The following PDE1A variants were observed in gnomAD, a reference collection of about 807,000 sequenced individuals.
PDE1A encodes the protein phosphodiesterase 1A, also known as dual specificity calcium/calmodulin-dependent 3',5'-cyclic nucleotide phosphodiesterase 1A.
In PDE1A, 35 loss-of-function variants were observed where a neutral mutation model predicts 61.7. The ratio of observed to expected loss-of-function variants is 0.57; its 90% CI spans 0.43 to 0.75. The LOEUF is 0.75. Among genes scored for constraint, PDE1A ranks in the 30% least tolerant of loss-of-function variants. PDE1A has a pLI of 0.00. For missense variants in PDE1A, 597 were observed against 630.6 expected, an observed-to-expected ratio of 0.95 and a Z score of 0.57; for synonymous variants, 232 against 213.2, an observed-to-expected ratio of 1.09 and a Z score of -0.77.
intron 13 of PDE1A, among the ~76,000 whole-genome samples, chr2:182,178,869 T>A (rs946016528): frequency 6.6e-6 from 1 of 151,608 alleles, no homozygotes; most frequent in African/African-American, 2.4e-5. Context: ...GGGGTCAGAG[T>A]CAGAAGGTGA....
At chr2:182,554,666 T>C in the PDE1A span, among the ~76,000 whole-genome samples, 1 of 152,086 alleles carries the variant, frequency 6.6e-6, no homozygotes, top group South Asian at 2.1e-4. Context: ...ACTCATAGAG[T>C]TATACGAAGG....
At chr2:182,490,181 A>G (rs945249035) in intron 2 of PDE1A, among the ~76,000 whole-genome samples, 11 of 152,332 alleles carry the variant, frequency 7.2e-5, no homozygotes, top group South Asian at 4.1e-4. Flanking sequence ...GGAGGCCATC[A>G]ATGACTTTTA....
chr2:182,592,626 A>G, the PDE1A span, among the ~76,000 whole-genome samples: 1 of 152,218 alleles, frequency 6.6e-6, no homozygotes, highest in African/African-American at 2.4e-5. Flanking sequence ...TGTTTTCTGC[A>G]TACAAAATAC....
intron 2 of PDE1A, among the ~76,000 whole-genome samples, chr2:182,248,976 A>G (rs1170536310): frequency 6.6e-6 from 1 of 152,222 alleles, no homozygotes; most frequent in East Asian, 1.9e-4. Flanking sequence ...AAAGTTATAT[A>G]TCAGGTGACT....
At chr2:182,526,101 TA>T (rs1303182813), upstream of PDE1A, among the ~76,000 whole-genome samples, 2 of 152,142 alleles carry the variant, frequency 1.3e-5, no homozygotes, top group African/African-American at 2.4e-5. Context: ...CAAGAATATT[TA>T]AAAACAAAAT....
chr2:182,628,906 A>G, the PDE1A span, among the ~76,000 whole-genome samples: 1 of 152,280 alleles, frequency 6.6e-6, no homozygotes, highest in African/African-American at 2.4e-5. Context: ...GAATATGGCA[A>G]AAGTGATGGT....
the PDE1A span, among the ~76,000 whole-genome samples, chr2:182,552,439 GTTTTTTTTT>G: frequency 8.1e-6 from 1 of 122,892 alleles, no homozygotes; most frequent in Non-Finnish European, 1.7e-5. Flanking sequence ...GCTACACAAA[GTTTTTTTTT>G]TTTTTTTTTT....
the PDE1A span, among the ~76,000 whole-genome samples, chr2:182,580,337 G>C: frequency 6.6e-6 from 1 of 152,074 alleles, no homozygotes; most frequent in Non-Finnish European, 1.5e-5. Context: ...GATCCAGATT[G>C]GATTCATCTG....
intron 1 of PDE1A, among the ~76,000 whole-genome samples, chr2:182,387,442 A>G (rs955264619): frequency 7.3e-5 from 11 of 151,578 alleles, no homozygotes; most frequent in African/African-American, 2.2e-4. Flanking sequence ...AAAGAAAGAG[A>G]GAAAGAAAGA....
intron 1 of PDE1A, among the ~76,000 whole-genome samples, chr2:182,292,594 T>G (rs1241244531): frequency 6.6e-6 from 1 of 152,048 alleles, no homozygotes; most frequent in Non-Finnish European, 1.5e-5. Flanking sequence ...TCATCAAAAT[T>G]ATGTATTTCT....
intron 2 of PDE1A, among the ~76,000 whole-genome samples, chr2:182,443,660 C>G (rs59275513): frequency 6.6e-6 from 1 of 151,214 alleles, no homozygotes; most frequent in Non-Finnish European, 1.5e-5. Context: ...ACAGCCTGTG[C>G]AAATGTGAGT....
intron 1 of PDE1A, among the ~76,000 whole-genome samples, chr2:182,298,295 T>C (rs965127994): frequency 6.6e-6 from 1 of 152,098 alleles, no homozygotes; most frequent in African/African-American, 2.4e-5. Flanking sequence ...AATGACAGTA[T>C]CAGTTGAGCT....
the PDE1A span, among the ~76,000 whole-genome samples, chr2:182,654,877 T>C: frequency 1.3e-5 from 2 of 152,190 alleles, no homozygotes; most frequent in South Asian, 4.1e-4. Context: ...GGGCTTTCCA[T>C]GTCTCTTCTA....
upstream of PDE1A, among the ~76,000 whole-genome samples, chr2:182,527,091 A>T (rs191600322): frequency 1.0e-4 from 15 of 148,868 alleles, no homozygotes; most frequent in South Asian, 4.2e-4. Flanking sequence ...AAGTAAAAAG[A>T]ATTTTTTTAA....
At chr2:182,457,434 G>C (rs1212866032) in intron 2 of PDE1A, among the ~76,000 whole-genome samples, 1 of 151,936 alleles carries the variant, frequency 6.6e-6, no homozygotes, top group Non-Finnish European at 1.5e-5. Flanking sequence ...AATAAAATCT[G>C]TGTGTAAACA....
At chr2:182,407,061 T>C (rs1702338919) in intron 1 of PDE1A, among the ~76,000 whole-genome samples, 1 of 152,128 alleles carries the variant, frequency 6.6e-6, no homozygotes, top group African/African-American at 2.4e-5. Context: ...TTTTAATCAA[T>C]TTACTTTCAA....
rs147023516 is a variant in PDE1A, at chr2:182,292,710, A to G, written c.54-28296T>C. ...ACATGCAATTGCAACATCTTTCAGGAGAACATAAATTAAGTAGTAAAACTC... is the reference window on the plus strand; with the variant it reads ...ACATGCAATTGCAACATCTTTCAGGGGAACATAAATTAAGTAGTAAAACTC... On this transcript the variant is annotated intron_variant, in intron 1 of 13. Coordinates refer to ENST00000351439, the Ensembl canonical transcript of PDE1A. Among the ~76,000 whole-genome samples the G allele has an allele frequency of 3.2e-3, 493 of 152,176 alleles. 1 individual carries two copies. The highest frequency in any genetic ancestry group is 0.011 in the African/African-American group (449 of 41,560).
intron 1 of PDE1A, among the ~76,000 whole-genome samples, chr2:182,310,752 T>A (rs1215999486): frequency 1.3e-5 from 2 of 152,196 alleles, no homozygotes; most frequent in African/African-American, 4.8e-5. Flanking sequence ...CACGTTGCCA[T>A]ACCTGTGGCA....
the PDE1A span, among the ~76,000 whole-genome samples, chr2:182,642,411 T>A: frequency 6.6e-6 from 1 of 152,190 alleles, no homozygotes; most frequent in Non-Finnish European, 1.5e-5. Flanking sequence ...GGATTTGAAA[T>A]GGCTGCAGGT....
Sources: gnomAD v4.1 joint callset for allele counts (sites outside exome capture counted in the v4.1 genomes callset) on GRCh38, gnomAD v4.1.1 for gene constraint, MANE v1.5 for transcripts, NCBI Gene and HGNC (gene_info 2026-07-23, HGNC 2026-07-21) for gene names.